DUSP26: variants seen among roughly 807,000 people sequenced by gnomAD.
The protein encoded by DUSP26 is dual specificity protein phosphatase 26.
DUSP26 carries 12 observed loss-of-function variants against 20.0 expected under a neutral mutation model. The ratio of observed to expected loss-of-function variants is 0.60; its 90% confidence interval spans 0.38 to 0.97. DUSP26 has a LOEUF of 0.97. Among genes scored for constraint, DUSP26 ranks in the 50% least tolerant of loss-of-function variants. The pLI, the probability that DUSP26 is intolerant of heterozygous loss-of-function variation, is 0.00. For missense variants in DUSP26, 230 were observed against 294.0 expected (o/e 0.78, Z 1.59); for synonymous variants, 120 against 118.8 (o/e 1.01, Z -0.06).
chr8:33,591,370 T>C lies in DUSP26; in HGVS notation c.*643A>G. 1 of 152,730 alleles carries C rather than the reference T, an allele frequency of 6.5e-6. No homozygotes were observed. Among genetic ancestry groups the C allele is most frequent in the Non-Finnish European group, 1.5e-5 (1 of 68,070 alleles). The allele number at this position is 152,730 out of a possible 1,614,324, so 9.5% of individuals were successfully genotyped here. On this transcript the variant is annotated 3_prime_UTR_variant, in exon 4 of 4. Coordinates refer to ENST00000256261, the MANE Select transcript of DUSP26 (RefSeq NM_024025.3). ...TTTATTTATCCTCGAGACGCTTGGA[T>C]CCAGTAAGCGAGTGACAATTTCAAG... is the stretch of plus-strand genomic sequence containing the variant.
At chr8:33,593,410 C>T in intron 3 of DUSP26, 123 bp downstream of exon 3, 17 of 1,108,562 alleles carry the variant, frequency 1.5e-5, no homozygotes, top group Admixed American at 2.9e-5. Context: ...ATATTTTTTT[C>T]TTTCTTAACA....
rs754975205 is a variant in DUSP26 at position 33,597,329 on chromosome 8, C to T, written c.187G>A (p.Asp63Asn). ...YTGKTACNHA[D>N]EVWPGLYLGD... is the part of the protein sequence containing the mutation. ...AGATAGAGGCCTGGCCAGACCTCGTCGGCATGGTTACAGGCTGTCTTGCCT... is the reference window on the plus strand; with the variant it reads ...AGATAGAGGCCTGGCCAGACCTCGTTGGCATGGTTACAGGCTGTCTTGCCT... Residue 63 changes from aspartate (D) to asparagine (N), a missense_variant, in exon 2 of 4, where the codon GAC (aspartate) becomes AAC (asparagine). Coordinates refer to ENST00000256261, the MANE Select transcript of DUSP26 (RefSeq NM_024025.3). The T allele has an allele frequency of 4.3e-6, 7 of 1,613,412 alleles. No homozygotes were observed. Among genetic ancestry groups the T allele is most frequent in the Non-Finnish European group, 5.9e-6 (7 of 1,179,924 alleles).
At position 33,592,004 on chromosome 8, in the gene DUSP26, C is replaced by A. The variant is rs1811031307; in HGVS notation, c.*9G>T. 6.2e-7 allele frequency: 1 copy of A among 1,612,742 alleles called. No homozygotes were observed. Among genetic ancestry groups the A allele is most frequent in the East Asian group, 2.2e-5 (1 of 44,852 alleles). The stretch of plus-strand genomic sequence containing the variant: ...CCACGGGCCTGGCCTGACCTCTCTC[C>A]CCCTCCCCTCATGCTTCCAGACCCT... On this transcript the variant is annotated 3_prime_UTR_variant, in exon 4 of 4. Transcript: ENST00000256261.
At chr8:33,599,438 G>A (rs1457504890) in intron 1 of DUSP26, among the ~76,000 whole-genome samples, 1 of 151,772 alleles carries the variant, frequency 6.6e-6, no homozygotes, top group Admixed American at 6.6e-5. Flanking sequence ...CCCTCCCTCC[G>A]CCTGCGGTCG....
intron 1 of DUSP26, among the ~76,000 whole-genome samples, chr8:33,599,000 G>C (rs1355078498): frequency 6.6e-6 from 1 of 152,222 alleles, no homozygotes. Flanking sequence ...CAAGGCATTA[G>C]AAGCAGGGGT....
At chr8:33,597,802 ATGT>A (rs1206231229) in intron 1 of DUSP26, 1 of 343,168 alleles carries the variant, frequency 2.9e-6, no homozygotes, top group Non-Finnish European at 5.4e-6. Flanking sequence ...GGAGAGTCAC[ATGT>A]CCTTGTTTAC....
Position 33,597,557 on chromosome 8 carries a change from T to A in DUSP26, c.-42A>T. 6.5e-7 allele frequency: 1 copy of A among 1,550,382 alleles called. No homozygotes were observed. On this transcript the variant is annotated 5_prime_UTR_variant, in exon 2 of 4. Coordinates refer to ENST00000256261, the MANE Select transcript of DUSP26 (RefSeq NM_024025.3). The stretch of plus-strand genomic sequence containing the variant: ...ACCGTGGCAGCTGCAGGAGTGGCTG[T>A]GGTGATGATGGGTTCAGTTGCCAGG...
chr8:33,597,177 CT>C, intron 2 of DUSP26, 117 bp downstream of exon 2: 1 of 1,055,864 alleles, frequency 9.5e-7, no homozygotes, highest in Non-Finnish European at 1.3e-6. Flanking sequence ...GCCCTATCCC[CT>C]CAATCTTCAA....
intron 2 of DUSP26, 30 bp from the exon 3 acceptor site, chr8:33,593,777 G>C: frequency 6.2e-7 from 1 of 1,604,284 alleles, no homozygotes; most frequent in Non-Finnish European, 8.5e-7. Flanking sequence ...GAGGAAGGGT[G>C]GGAAAGCCAG....
chr8:33,598,524 G>T (rs570173248), intron 1 of DUSP26, among the ~76,000 whole-genome samples: 2 of 151,950 alleles, frequency 1.3e-5, no homozygotes, highest in South Asian at 4.2e-4. Flanking sequence ...CTAGAAAGCA[G>T]GAAGGAAAGG....
intron 1 of DUSP26, among the ~76,000 whole-genome samples, chr8:33,599,325 G>T (rs1453767862): frequency 2.6e-5 from 4 of 152,192 alleles, no homozygotes; most frequent in African/African-American, 9.6e-5. Context: ...TCTCCGTGGG[G>T]CTGTTTTTCC....
rs116728597 is a variant in DUSP26 at position 33,592,172 on chromosome 8, G to A, written c.477C>T (p.Ser159=). Residue 159 remains serine, a synonymous_variant, in exon 4 of 4, where the codon TCC becomes TCT. Transcript: ENST00000256261. Reference sequence around the variant, plus strand: ...TGAGGTAGGCCAGTACCAGGGTGGCGGATCGGCTCACGCCCACAGCACAAT... The same window carrying A: ...TGAGGTAGGCCAGTACCAGGGTGGCAGATCGGCTCACGCCCACAGCACAAT... The part of the protein sequence containing the change: ...LVHCAVGVSR[S]ATLVLAYLML... The A allele has an allele frequency of 5.2e-4, 835 of 1,613,698 alleles. 6 individuals carry two copies. In the African/African-American group the frequency reaches 9.1e-3, roughly 18 times the overall value.
rs575733780 is a variant in DUSP26, at chr8:33,595,148, C to T, written c.222-1401G>A. 2.0e-5 allele frequency among the ~76,000 whole-genome samples: 3 copies of T among 152,250 alleles called. No individual in the cohort carries two copies. In the East Asian group the frequency reaches 5.8e-4, roughly 29 times the overall value. On this transcript the variant is annotated intron_variant, in intron 2 of 3. Coordinates refer to ENST00000256261, the MANE Select transcript of DUSP26 (RefSeq NM_024025.3). ...GTATTCAGGCAGAAAGAGGAGATGGCCATGTAGCCATGGATGCTGCAGAGG... is the reference window on the plus strand; with the variant it reads ...GTATTCAGGCAGAAAGAGGAGATGGTCATGTAGCCATGGATGCTGCAGAGG...
intron 1 of DUSP26, chr8:33,597,912 G>GACACACA (rs1554537126): frequency 1.5e-5 from 1 of 64,622 alleles, no homozygotes; most frequent in Admixed American, 1.8e-4. Context: ...CACACACACG[G>GACACACA]CACTTGGGTG....
intron 2 of DUSP26, among the ~76,000 whole-genome samples, chr8:33,596,551 C>T (rs1811150838): frequency 1.3e-5 from 2 of 152,160 alleles, no homozygotes; most frequent in Non-Finnish European, 2.9e-5. Context: ...CACTGCACTC[C>T]AGCCTGGGTG....
At chr8:33,592,474 G>T (rs1318821960) in intron 3 of DUSP26, among the ~76,000 whole-genome samples, 1 of 148,356 alleles carries the variant, frequency 6.7e-6, no homozygotes, top group African/African-American at 2.5e-5. Flanking sequence ...AGGAGGCTGA[G>T]GCTGCAGTGA....
chr8:33,593,464 C>T, intron 3 of DUSP26, 69 bp downstream of exon 3: 1 of 1,557,214 alleles, frequency 6.4e-7, no homozygotes, highest in Non-Finnish European at 8.8e-7. Context: ...TCACTCCACT[C>T]TCAGACCCTT....
rs75386451 is a variant in DUSP26 at position 33,594,300 on chromosome 8, T to C, written c.222-553A>G. ...GGGGTAAAAATAGCCATAATAAAACTGAAAGTGTGCGGCCGGGCGCGGTGG... is the reference window on the plus strand; with the variant it reads ...GGGGTAAAAATAGCCATAATAAAACCGAAAGTGTGCGGCCGGGCGCGGTGG... On this transcript the variant is annotated intron_variant, in intron 2 of 3. Transcript: ENST00000256261. Among the ~76,000 whole-genome samples, 939 of 151,942 alleles carry C rather than the reference T, an allele frequency of 6.2e-3. 57 individuals carry two copies. The East Asian group carries it at 0.15, about 24-fold the overall frequency.
At chr8:33,592,445 C>T (rs1232184214) in intron 3 of DUSP26, among the ~76,000 whole-genome samples, 1 of 149,634 alleles carries the variant, frequency 6.7e-6, no homozygotes. Context: ...GTGGCCCATG[C>T]CTGTAATCTC....
Sources: allele counts gnomAD v4.1 joint callset (sites outside exome capture counted in the v4.1 genomes callset), GRCh38; gene constraint gnomAD v4.1.1; transcripts MANE v1.5; gene names NCBI Gene and HGNC (gene_info 2026-07-23, HGNC 2026-07-21).